The following NR3C1 variants were observed in gnomAD, a reference collection of about 807,000 sequenced individuals.
The protein encoded by NR3C1 is nuclear receptor subfamily 3 group C member 1.
NR3C1 carries 14 observed loss-of-function variants against 74.0 expected under a neutral mutation model. The observed-to-expected ratio is 0.19, with a 90% CI of 0.12 to 0.30. The LOEUF is 0.30. Ranked by LOEUF, NR3C1 falls within the 10% of genes least tolerant of loss-of-function variation. NR3C1 has a pLI of 1.00. For missense variants in NR3C1, 695 were observed against 909.8 expected (o/e 0.76, Z 3.04); for synonymous variants, 308 against 332.5 (o/e 0.93, Z 0.80).
intron 1 of NR3C1, among the ~76,000 whole-genome samples, chr5:143,416,998 AAGAG>A (rs764799611): frequency 6.6e-6 from 1 of 151,526 alleles, no homozygotes; most frequent in Non-Finnish European, 1.5e-5. Context: ...TGTGTTTAAA[AAGAG>A]AGAGAGAGAG....
intron 1 of NR3C1, among the ~76,000 whole-genome samples, chr5:143,430,014 G>GGAGGTTGCAGGAAGCC (rs1212712031): frequency 6.6e-5 from 10 of 151,756 alleles, no homozygotes; most frequent in African/African-American, 2.4e-4. Context: ...CCTGGGAGGT[G>GGAGGTTGCAGGAAGCC]GAGGTTGCAG....
At chr5:143,321,922 C>A (rs1289870979) in intron 2 of NR3C1, among the ~76,000 whole-genome samples, 1 of 152,148 alleles carries the variant, frequency 6.6e-6, no homozygotes, top group Non-Finnish European at 1.5e-5. Context: ...TTAGGTAGGG[C>A]CCATGTCTTG....
chr5:143,337,269 A>G (rs562787962), intron 2 of NR3C1, among the ~76,000 whole-genome samples: 5 of 152,204 alleles, frequency 3.3e-5, no homozygotes, highest in Non-Finnish European at 7.3e-5. Context: ...ACTCAGCTTA[A>G]TTAGTAATCA....
intron 2 of NR3C1, among the ~76,000 whole-genome samples, chr5:143,395,471 T>C (rs1839029291): frequency 6.6e-6 from 1 of 151,778 alleles, no homozygotes; most frequent in South Asian, 2.1e-4. Flanking sequence ...CTCAGAAATA[T>C]GAAAACAAGT....
chr5:143,347,581 T>C (rs1051083747), intron 2 of NR3C1, among the ~76,000 whole-genome samples: 2 of 152,224 alleles, frequency 1.3e-5, no homozygotes, highest in Non-Finnish European at 2.9e-5. Context: ...GAACTGGAGA[T>C]TGCCAAGGGC....
intron 2 of NR3C1, among the ~76,000 whole-genome samples, chr5:143,326,959 TACC>T (rs1248395078): frequency 1.3e-5 from 2 of 152,224 alleles, no homozygotes; most frequent in Admixed American, 1.3e-4. Flanking sequence ...GACACTGAAG[TACC>T]ACAATGTATA....
intron 2 of NR3C1, among the ~76,000 whole-genome samples, chr5:143,362,496 G>A (rs1753004301): frequency 6.6e-6 from 1 of 151,868 alleles, no homozygotes; most frequent in South Asian, 2.1e-4. Flanking sequence ...GAGTAGCTGG[G>A]ACTACAGGCG....
intron 1 of NR3C1, among the ~76,000 whole-genome samples, chr5:143,401,644 G>A (rs570334565): frequency 2.0e-5 from 3 of 152,262 alleles, no homozygotes; most frequent in Non-Finnish European, 4.4e-5. Flanking sequence ...AAATATAGCT[G>A]ACCCTTATCA....
In NR3C1 at chr5:143,282,649, G is replaced by A. The variant is rs1813360075; in HGVS notation, c.2100C>T (p.Ala700=). Residue 700 remains alanine (A), a synonymous_variant, in exon 8 of 9, where the codon GCC becomes GCT. Transcript: ENST00000394464. ...RMTYIKELGK[A]IVKREGNSSQ... is the part of the protein sequence containing the mutation. ...TGGAGTTTCCTTCCCTCTTGACAATGGCTTTTCCTAGCTCTTTGATGTAGG... is the reference window on the plus strand; with the variant it reads ...TGGAGTTTCCTTCCCTCTTGACAATAGCTTTTCCTAGCTCTTTGATGTAGG... 3 of 1,613,886 alleles carry A rather than the reference G, an allele frequency of 1.9e-6. No individual in the cohort carries two copies. Among genetic ancestry groups the A allele is most frequent in the African/African-American group, 1.3e-5 (1 of 74,890 alleles).
chr5:143,343,374 G>A (rs966183663), intron 2 of NR3C1, among the ~76,000 whole-genome samples: 2 of 152,072 alleles, frequency 1.3e-5, no homozygotes, highest in East Asian at 1.9e-4. Flanking sequence ...TAGTCTCCTC[G>A]GGACTTTCTA....
chr5:143,403,912 C>T, upstream of NR3C1: 3 of 983,406 alleles, frequency 3.1e-6, no homozygotes, highest in Non-Finnish European at 2.4e-6. Context: ...CCGCCCCGCC[C>T]GGTGCGCCGC....
chr5:143,382,154 G>A (rs1170959374), intron 2 of NR3C1, among the ~76,000 whole-genome samples: 1 of 152,094 alleles, frequency 6.6e-6, no homozygotes, highest in African/African-American at 2.4e-5. Context: ...ACAGGTGTAT[G>A]AAGAAATGTT....
chr5:143,403,049 C>T (rs920670991), intron 1 of NR3C1, among the ~76,000 whole-genome samples, 162 bp downstream of exon 1: 1 of 151,176 alleles, frequency 6.6e-6, no homozygotes, highest in Non-Finnish European at 1.5e-5. Flanking sequence ...CCGCGCGCTG[C>T]CCTTTCGTCA....
intron 2 of NR3C1, among the ~76,000 whole-genome samples, chr5:143,373,219 C>T (rs1834530876): frequency 6.6e-6 from 1 of 152,076 alleles, no homozygotes; most frequent in East Asian, 1.9e-4. Flanking sequence ...AGGTATAATT[C>T]CCTTGGGGAA....
At chr5:143,412,344 T>A (rs903095326) in intron 1 of NR3C1, among the ~76,000 whole-genome samples, 5 of 152,174 alleles carry the variant, frequency 3.3e-5, no homozygotes, top group African/African-American at 4.8e-5. Flanking sequence ...ACTCATCTAG[T>A]AATTTCATTG....
intron 2 of NR3C1, among the ~76,000 whole-genome samples, chr5:143,342,413 G>C (rs564740039): frequency 1.3e-5 from 2 of 152,346 alleles, no homozygotes; most frequent in South Asian, 4.1e-4. Flanking sequence ...TGGTGGCTCT[G>C]TGAGAACTGG....
chr5:143,351,654 G>A (rs949175084), intron 2 of NR3C1, among the ~76,000 whole-genome samples: 54 of 152,188 alleles, frequency 3.5e-4, no homozygotes, highest in African/African-American at 1.3e-3. Flanking sequence ...TAACACATTT[G>A]ATCAATATTA....
intron 1 of NR3C1, among the ~76,000 whole-genome samples, chr5:143,424,384 C>G (rs1267696353): frequency 6.6e-6 from 1 of 152,000 alleles, no homozygotes; most frequent in Admixed American, 6.6e-5. Context: ...GCTTCTAACA[C>G]AAATACATTA....
intron 2 of NR3C1, among the ~76,000 whole-genome samples, chr5:143,327,845 C>T (rs1561576964): frequency 6.6e-6 from 1 of 152,236 alleles, no homozygotes; most frequent in African/African-American, 2.4e-5. Context: ...CTGTGGCTTT[C>T]ACAGGCTGGC....
Sources: gnomAD v4.1 joint callset for allele counts (sites outside exome capture counted in the v4.1 genomes callset) on GRCh38, gnomAD v4.1.1 for gene constraint, MANE v1.5 for transcripts, NCBI Gene and HGNC (gene_info 2026-07-23, HGNC 2026-07-21) for gene names.